The following GRIK3 variants were observed in gnomAD, a reference collection of about 807,000 sequenced individuals.
GRIK3 encodes the protein glutamate receptor ionotropic, kainate 3.
A neutral mutation model predicts 102.5 loss-of-function variants in GRIK3; 29 were observed. The ratio of observed to expected loss-of-function variants is 0.28; its 90% CI spans 0.21 to 0.39. The LOEUF is 0.39. Among genes scored for constraint, GRIK3 ranks in the 10% least tolerant of loss-of-function variants. The pLI, the probability that GRIK3 is intolerant of heterozygous loss-of-function variation, is 1.00. For missense variants in GRIK3, 908 were observed against 1,252.4 expected, an observed-to-expected ratio of 0.73 and a Z score of 4.15; for synonymous variants, 511 against 504.9, an observed-to-expected ratio of 1.01 and a Z score of -0.16.
At chr1:36,895,638 CTG>C (rs1419649587) in intron 1 of GRIK3, among the ~76,000 whole-genome samples, 7 of 152,054 alleles carry the variant, frequency 4.6e-5, no homozygotes, top group African/African-American at 1.7e-4. Flanking sequence ...TATCCAAAAA[CTG>C]TGGCTGTAAA....
intron 7 of GRIK3, 68 bp downstream of exon 7, chr1:36,859,040 C>T: frequency 7.5e-7 from 1 of 1,341,302 alleles, no homozygotes; most frequent in Non-Finnish European, 1.0e-6. Flanking sequence ...ACTCCCAGAC[C>T]ACTCTGCTGC....
intron 1 of GRIK3, among the ~76,000 whole-genome samples, chr1:37,033,245 C>T (rs1642847863): frequency 6.6e-6 from 1 of 152,226 alleles, no homozygotes; most frequent in African/African-American, 2.4e-5. Flanking sequence ...CGCCAGCCGC[C>T]GCCAGCTGCG....
intron 1 of GRIK3, among the ~76,000 whole-genome samples, chr1:36,974,021 G>T (rs184505362): frequency 5.3e-5 from 8 of 152,308 alleles, no homozygotes; most frequent in African/African-American, 1.9e-4. Flanking sequence ...TGACTCTGTG[G>T]TGTGTTTTGC....
intron 1 of GRIK3, among the ~76,000 whole-genome samples, chr1:36,977,886 CA>C (rs1303473045): frequency 2.0e-5 from 3 of 152,366 alleles, no homozygotes; most frequent in Admixed American, 6.5e-5. Context: ...CCCAGAACTC[CA>C]TGTGGAGCCA....
At chr1:36,960,191 C>T (rs1253231750) in intron 1 of GRIK3, among the ~76,000 whole-genome samples, 2 of 143,986 alleles carry the variant, frequency 1.4e-5, no homozygotes, top group Non-Finnish European at 3.0e-5. Context: ...GTCTGTGCCC[C>T]CGAGCCTCTG....
intron 10 of GRIK3, among the ~76,000 whole-genome samples, chr1:36,831,303 G>A (rs1213894536): frequency 6.6e-6 from 1 of 152,172 alleles, no homozygotes; most frequent in Non-Finnish European, 1.5e-5. Flanking sequence ...CCTGGCTTGG[G>A]AGCCCTGCAG....
chr1:36,963,062 G>C (rs1210475888), intron 1 of GRIK3, among the ~76,000 whole-genome samples: 1 of 152,132 alleles, frequency 6.6e-6, no homozygotes, highest in Non-Finnish European at 1.5e-5. Context: ...ACTTGGAAGG[G>C]GGAGGAGAAG....
In GRIK3 at chr1:36,967,437, C is replaced by T. The variant is rs145618744; in HGVS notation, c.115+66557G>A. On this transcript the variant is annotated intron_variant, in intron 1 of 15. Coordinates refer to ENST00000373091, the MANE Select transcript of GRIK3 (RefSeq NM_000831.4). ...TCACTCTACAGCATATAGCTCATGG[C>T]CCTGAGGGAGCATGGGAAATGAGGG... is the stretch of plus-strand genomic sequence containing the variant. Among the ~76,000 whole-genome samples the T allele has an allele frequency of 3.1e-4, 47 of 152,332 alleles. No individual in the cohort carries two copies. The East Asian group carries it at 7.3e-3, about 24-fold the overall frequency.
chr1:36,816,273 T>C (rs1642626271), intron 13 of GRIK3, among the ~76,000 whole-genome samples: 1 of 152,178 alleles, frequency 6.6e-6, no homozygotes, highest in African/African-American at 2.4e-5. Context: ...GTCATGAAGA[T>C]TAAATGAGGC....
At chr1:36,852,814 G>T (rs1286391957) in intron 8 of GRIK3, among the ~76,000 whole-genome samples, 1 of 152,160 alleles carries the variant, frequency 6.6e-6, no homozygotes, top group African/African-American at 2.4e-5. Context: ...GGACCCACTT[G>T]CTGGGGACAG....
At chr1:37,021,127 T>A (rs79510023) in intron 1 of GRIK3, among the ~76,000 whole-genome samples, 25 of 145,302 alleles carry the variant, frequency 1.7e-4, no homozygotes, top group East Asian at 4.1e-4. Flanking sequence ...TGTGTGTCTG[T>A]GAGAGAGAGA....
At chr1:37,013,233 A>G (rs748991401) in intron 1 of GRIK3, among the ~76,000 whole-genome samples, 1 of 152,216 alleles carries the variant, frequency 6.6e-6, no homozygotes, top group Non-Finnish European at 1.5e-5. Flanking sequence ...TCATGATTCA[A>G]TTATCTCCCA....
chr1:37,026,079 G>A (rs1453718963), intron 1 of GRIK3, among the ~76,000 whole-genome samples: 1 of 152,162 alleles, frequency 6.6e-6, no homozygotes, highest in Non-Finnish European at 1.5e-5. Flanking sequence ...CTGCCCAGGA[G>A]GTGAGATTGT....
Position 36,859,896 on chromosome 1 carries a change from C to A in GRIK3, c.908G>T (p.Arg303Leu). 1 of 1,613,758 alleles carries A rather than the reference C, an allele frequency of 6.2e-7. No individual in the cohort carries two copies. ...SAIVEKWSME[R>L]LQAAPRSESG... Reference sequence around the variant, plus strand: ...CTCGGACCGGGGAGCTGCCTGCAGCCGCTCCATGGACCACTTCTCCACAAT... The same window carrying A: ...CTCGGACCGGGGAGCTGCCTGCAGCAGCTCCATGGACCACTTCTCCACAAT... The change falls in exon 6 of 16, where the codon CGG becomes CTG. Residue 303 changes from arginine to leucine, a missense_variant. Physicochemically the swap from Arg to Leu is moderately radical, Grantham distance 102 (BLOSUM62 -2). Coordinates refer to ENST00000373091, the MANE Select transcript of GRIK3 (RefSeq NM_000831.4).
At chr1:37,000,495 G>C (rs1168198479) in intron 1 of GRIK3, among the ~76,000 whole-genome samples, 1 of 152,124 alleles carries the variant, frequency 6.6e-6, no homozygotes, top group Non-Finnish European at 1.5e-5. Context: ...GTTGAGAGAG[G>C]AAAATGAAGT....
intron 1 of GRIK3, among the ~76,000 whole-genome samples, chr1:36,979,804 G>A (rs1215102499): frequency 6.6e-6 from 1 of 152,230 alleles, no homozygotes; most frequent in Non-Finnish European, 1.5e-5. Context: ...CAGAGGATGT[G>A]GATGGAGGGA....
In GRIK3 at chr1:36,801,010, C is replaced by T. The variant is rs976413181; in HGVS notation, c.*841G>A. ...TGGAATCTGCTTTTCCTCTGCTGGGCTTCAAATACCGGCTGCATCTTTGGG... is the reference window on the plus strand; with the variant it reads ...TGGAATCTGCTTTTCCTCTGCTGGGTTTCAAATACCGGCTGCATCTTTGGG... On this transcript the variant is annotated 3_prime_UTR_variant, in exon 16 of 16. Coordinates refer to ENST00000373091, the MANE Select transcript of GRIK3 (RefSeq NM_000831.4). The T allele has an allele frequency of 6.6e-6, 1 of 152,210 alleles. No homozygotes were observed. Among genetic ancestry groups the T allele is most frequent in the African/African-American group, 2.4e-5 (1 of 41,452 alleles). 9.4% of individuals were successfully genotyped at this position (152,210 alleles called of 1,614,324 possible). A position where few individuals can be genotyped will look rare whatever the true frequency, so the allele number is the denominator to read the frequency against.
intron 1 of GRIK3, among the ~76,000 whole-genome samples, chr1:36,934,451 C>T (rs1485874163): frequency 6.6e-6 from 1 of 152,216 alleles, no homozygotes; most frequent in Non-Finnish European, 1.5e-5. Flanking sequence ...AAGAACTCTT[C>T]ACCAGCTCAG....
At chr1:36,969,509 A>C (rs2124356036) in intron 1 of GRIK3, among the ~76,000 whole-genome samples, 1 of 152,318 alleles carries the variant, frequency 6.6e-6, no homozygotes, top group African/African-American at 2.4e-5. Context: ...GTTGGCACTA[A>C]CCATGTGCCA....
Sources: allele counts gnomAD v4.1 joint callset (sites outside exome capture counted in the v4.1 genomes callset), GRCh38; gene constraint gnomAD v4.1.1; transcripts MANE v1.5; gene names NCBI Gene and HGNC (gene_info 2026-07-23, HGNC 2026-07-21).